Variants in CALCR observed in about 807,000 individuals in gnomAD.
CALCR encodes the protein calcitonin receptor.
A neutral mutation model predicts 59.5 loss-of-function variants in CALCR; 47 were observed. The ratio of observed to expected loss-of-function variants is 0.79; its 90% CI spans 0.63 to 1.01. The LOEUF is 1.01. Ranked by LOEUF, CALCR falls within the 50% of genes least tolerant of loss-of-function variation. CALCR has a pLI of 0.00. For missense variants in CALCR, 566 were observed against 597.1 expected, an observed-to-expected ratio of 0.95 and a Z score of 0.54; for synonymous variants, 213 against 211.3, an observed-to-expected ratio of 1.01 and a Z score of -0.07.
At chr7:93,481,990 C>G (rs545946334) in intron 3 of CALCR, among the ~76,000 whole-genome samples, 2 of 151,888 alleles carry the variant, frequency 1.3e-5, no homozygotes, top group Admixed American at 1.3e-4. Flanking sequence ...AGACTGTGCT[C>G]TCATAGAGCT....
At chr7:93,504,952 T>C (rs757780628) in intron 2 of CALCR, among the ~76,000 whole-genome samples, 8 of 152,138 alleles carry the variant, frequency 5.3e-5, no homozygotes, top group African/African-American at 1.7e-4. Context: ...AAGATGCTGC[T>C]GCAAAAAGAG....
rs77737413 is a variant in CALCR, at chr7:93,563,830, C to T, written c.-27+10459G>A. Among the ~76,000 whole-genome samples, 9 of 152,302 alleles carry T rather than the reference C, an allele frequency of 5.9e-5. No homozygotes were observed. The East Asian group carries it at 1.7e-3, about 29-fold the overall frequency. ...CTCCTTGGTTCATTTCCGAATCCAT[C>T]ATATTAGCTGTGTGTTCTTCAGTAG... On this transcript the variant is annotated intron_variant, in intron 2 of 13. Transcript: ENST00000426151.
chr7:93,448,272 C>T (rs953620653), intron 8 of CALCR, among the ~76,000 whole-genome samples: 11 of 151,966 alleles, frequency 7.2e-5, no homozygotes, highest in African/African-American at 2.4e-4. Flanking sequence ...GTGTTGATTT[C>T]ATATGGTTAG....
In CALCR at chr7:93,542,006, TAGAGAA is replaced by T. The variant is rs373189148; in HGVS notation, c.-27+32277_-27+32282del. Among the ~76,000 whole-genome samples the T allele has an allele frequency of 3.4e-3, 520 of 152,260 alleles. 2 individuals are homozygous for T. Among genetic ancestry groups the T allele is most frequent in the African/African-American group, 0.012 (512 of 41,564 alleles). On this transcript the variant is annotated intron_variant, in intron 2 of 13. Coordinates refer to ENST00000426151, the MANE Select transcript of CALCR (RefSeq NM_001742.4). Reference sequence around the variant, plus strand: ...ATTTGGAAAATTAGAAAAAAATACATAGAGAAAAAGTCACCAAAAACTAATAAATAA... The same window carrying T: ...ATTTGGAAAATTAGAAAAAAATACATAAAGTCACCAAAAACTAATAAATAA...
At position 93,428,694 on chromosome 7, in the gene CALCR, G is replaced by A. The variant is rs536360044; in HGVS notation, c.1192-2105C>T. ...CCCAGCTACTCAGGAGGCTGAGGCAGGAGAATGGCATGAACCTGGGAGGCG... is the reference window on the plus strand; with the variant it reads ...CCCAGCTACTCAGGAGGCTGAGGCAAGAGAATGGCATGAACCTGGGAGGCG... On this transcript the variant is annotated intron_variant, in intron 13 of 13. Coordinates refer to ENST00000426151, the MANE Select transcript of CALCR (RefSeq NM_001742.4). Among the ~76,000 whole-genome samples, 7 of 151,896 alleles carry A rather than the reference G, an allele frequency of 4.6e-5. No homozygotes were observed. In the East Asian group the frequency reaches 1.4e-3, roughly 29 times the overall value.
At chr7:93,524,718 T>C (rs1022215151) in intron 2 of CALCR, among the ~76,000 whole-genome samples, 1 of 152,168 alleles carries the variant, frequency 6.6e-6, no homozygotes, top group Admixed American at 6.5e-5. Flanking sequence ...CATATGTGTA[T>C]ATGTGTGTAA....
intron 8 of CALCR, among the ~76,000 whole-genome samples, chr7:93,458,666 G>A (rs781674704): frequency 1.6e-4 from 24 of 152,120 alleles, no homozygotes; most frequent in Admixed American, 6.5e-5. Flanking sequence ...GGCTGGCCGT[G>A]TCCTAAGACA....
chr7:93,488,582 G>GCAATAAAAA (rs770479251), intron 2 of CALCR, among the ~76,000 whole-genome samples: 1 of 78,036 alleles, frequency 1.3e-5, no homozygotes, highest in Non-Finnish European at 2.4e-5. Context: ...CAAATGGAAA[G>GCAATAAAAA]AAAAAAAAAA....
Position 93,438,137 on chromosome 7 carries a change from G to A in CALCR, c.864-11C>T, listed in dbSNP as rs199695597. The stretch of plus-strand genomic sequence containing the variant: ...ACACTCAGCCAGCAGCTGAAAAAGG[G>A]CAAGGGGACAATTAATACACAAATA... On this transcript the variant is annotated splice_polypyrimidine_tract_variant and intron_variant, in intron 10 of 13. Transcript: ENST00000426151. The A allele has an allele frequency of 2.5e-5, 41 of 1,613,558 alleles. No individual in the cohort carries two copies. In the Middle Eastern group the frequency reaches 1.2e-3, roughly 45 times the overall value.
chr7:93,432,393 T>C (rs1465509833), intron 13 of CALCR, among the ~76,000 whole-genome samples: 1 of 152,130 alleles, frequency 6.6e-6, no homozygotes, highest in Non-Finnish European at 1.5e-5. Context: ...TATTGTAAGG[T>C]GATGCATTCG....
chr7:93,468,798 A>G lies in CALCR; in HGVS notation c.438T>C (p.Tyr146=). The change falls in exon 7 of 14, where the codon TAT becomes TAC. Residue 146 remains tyrosine (Y), a synonymous_variant. Coordinates refer to ENST00000426151, the MANE Select transcript of CALCR (RefSeq NM_001742.4). ...AFTPEKLKNA[Y]VLYYLAIVGH... ...CCACAATAGCCAAATAGTACAGAAC[A>G]TATGCATTCTGGAACAACAAAAAGT... 6.3e-7 allele frequency: 1 copy of G among 1,593,666 alleles called. No homozygotes were observed. Among genetic ancestry groups the G allele is most frequent in the Non-Finnish European group, 8.6e-7 (1 of 1,167,548 alleles).
intron 2 of CALCR, among the ~76,000 whole-genome samples, chr7:93,543,160 T>C (rs953976356): frequency 1.2e-4 from 19 of 152,202 alleles, no homozygotes; most frequent in African/African-American, 4.3e-4. Flanking sequence ...TAGTTATAGT[T>C]GTATATAGGA....
At chr7:93,471,017 T>C (rs1480223688) in intron 6 of CALCR, among the ~76,000 whole-genome samples, 1 of 149,058 alleles carries the variant, frequency 6.7e-6, no homozygotes, top group Non-Finnish European at 1.5e-5. Context: ...TGAGTGAGAA[T>C]ATGCGGTGTT....
chr7:93,556,575 T>C (rs887962680), intron 2 of CALCR, among the ~76,000 whole-genome samples: 6 of 152,054 alleles, frequency 3.9e-5, no homozygotes, highest in African/African-American at 1.4e-4. Context: ...TAGAAACAGT[T>C]AATAATTTCA....
intron 2 of CALCR, among the ~76,000 whole-genome samples, chr7:93,536,170 A>C (rs957583462): frequency 6.6e-6 from 1 of 151,742 alleles, no homozygotes; most frequent in East Asian, 1.9e-4. Context: ...TGTGTGCAGC[A>C]AGTGTAAGAG....
chr7:93,566,782 TTTTTTG>T (rs367721941), intron 2 of CALCR, among the ~76,000 whole-genome samples: 14 of 151,962 alleles, frequency 9.2e-5, no homozygotes, highest in Non-Finnish European at 1.8e-4. Flanking sequence ...ATAGTAGCTG[TTTTTTG>T]TTTTTGTTTT....
At chr7:93,479,572 A>T (rs906381155) in intron 3 of CALCR, 65 bp from the exon 4 acceptor site, 1 of 1,435,972 alleles carries the variant, frequency 7.0e-7, no homozygotes, top group African/African-American at 1.4e-5. Flanking sequence ...AATAAATGAG[A>T]CAATGAAAAA....
chr7:93,475,574 GTT>G (rs1391732751), intron 5 of CALCR, among the ~76,000 whole-genome samples: 1 of 151,442 alleles, frequency 6.6e-6, no homozygotes, highest in East Asian at 2.0e-4. Flanking sequence ...ATGTAATTTG[GTT>G]TCAATGAAGT....
intron 2 of CALCR, among the ~76,000 whole-genome samples, chr7:93,498,820 G>T (rs1269530166): frequency 6.6e-6 from 1 of 151,610 alleles, no homozygotes; most frequent in Non-Finnish European, 1.5e-5. Flanking sequence ...TATCAGAAGG[G>T]TCTTCTATTT....
Sources: gnomAD v4.1 joint callset for allele counts (sites outside exome capture counted in the v4.1 genomes callset) on GRCh38, gnomAD v4.1.1 for gene constraint, MANE v1.5 for transcripts, NCBI Gene and HGNC (gene_info 2026-07-23, HGNC 2026-07-21) for gene names.